Variants in ITIH5 observed in about 807,000 individuals in gnomAD.
The protein encoded by ITIH5 is inter-alpha-trypsin inhibitor heavy chain H5.
ITIH5 carries 65 observed loss-of-function variants against 77.5 expected under a neutral mutation model. The observed-to-expected ratio is 0.84, with a 90% confidence interval of 0.69 to 1.03. The LOEUF (loss-of-function observed/expected upper bound fraction) is 1.03, where lower values mean the gene tolerates loss of function less well. Among genes scored for constraint, ITIH5 ranks in the 50% least tolerant of loss-of-function variants. ITIH5 has a pLI of 0.00. For synonymous variants in ITIH5, 525 were observed against 494.3 expected, an observed-to-expected ratio of 1.06 and a Z score of -0.82; for missense variants, 1,208 against 1,213.1, an observed-to-expected ratio of 1.00 and a Z score of 0.06.
chr10:7,587,657 G>A (rs1588377720), intron 7 of ITIH5, among the ~76,000 whole-genome samples: 2 of 152,200 alleles, frequency 1.3e-5, no homozygotes, highest in East Asian at 3.8e-4. Context: ...GAATCGAGAT[G>A]AAAAGGGCTC....
chr10:7,605,591 T>C (rs547715084), intron 7 of ITIH5, among the ~76,000 whole-genome samples: 1 of 151,860 alleles, frequency 6.6e-6, no homozygotes, highest in South Asian at 2.1e-4. Context: ...ATCTGAAGTC[T>C]AGAGTTAAAG....
chr10:7,580,145 G>T, intron 8 of ITIH5, 81 bp from the exon 9 acceptor site: 5 of 1,225,024 alleles, frequency 4.1e-6, no homozygotes, highest in Non-Finnish European at 5.7e-6. Flanking sequence ...TTTTGAGACG[G>T]AGTCTTGCTC....
chr10:7,584,512 C>T (rs1472213944), intron 8 of ITIH5, among the ~76,000 whole-genome samples: 3 of 151,880 alleles, frequency 2.0e-5, no homozygotes. Context: ...GCCATGTTGG[C>T]CAGGCTGGTC....
Position 7,655,682 on chromosome 10 carries a change from A to T in ITIH5, c.91-7T>A. 1 of 1,608,082 alleles carries T rather than the reference A, an allele frequency of 6.2e-7. No homozygotes were observed. Among genetic ancestry groups the T allele is most frequent in the Non-Finnish European group, 8.5e-7 (1 of 1,174,770 alleles). On this transcript the variant is annotated splice_region_variant and splice_polypyrimidine_tract_variant and intron_variant, in intron 1 of 13. Transcript: ENST00000397146. ...TCGGGACCCTGAGTCCATCCTAGAA[A>T]AGAGAAGAGACTGTTAAAAAGGTGA... is the stretch of plus-strand genomic sequence containing the variant.
chr10:7,627,963 T>C (rs1564268285), intron 5 of ITIH5, among the ~76,000 whole-genome samples: 2 of 144,392 alleles, frequency 1.4e-5, no homozygotes, highest in Non-Finnish European at 3.0e-5. Flanking sequence ...TGCCTCAGCC[T>C]CCCAAGTAGC....
chr10:7,625,816 G>A (rs1833568480), intron 5 of ITIH5, among the ~76,000 whole-genome samples: 1 of 151,858 alleles, frequency 6.6e-6, no homozygotes, highest in East Asian at 1.9e-4. Context: ...AAATGGCTAA[G>A]ATGGTAAATT....
chr10:7,618,370 T>A (rs1833410628), intron 5 of ITIH5: 1 of 152,190 alleles, frequency 6.6e-6, no homozygotes, highest in Non-Finnish European at 1.5e-5. Context: ...GGATATTATG[T>A]AATTTATGAA....
intron 5 of ITIH5, among the ~76,000 whole-genome samples, chr10:7,633,006 A>T: frequency 6.6e-6 from 1 of 152,210 alleles, no homozygotes; most frequent in East Asian, 1.9e-4. Context: ...CCAGCCTTAA[A>T]ACAATCACAC....
At chr10:7,593,433 C>A (rs1402805389) in intron 7 of ITIH5, among the ~76,000 whole-genome samples, 9 of 55,548 alleles carry the variant, frequency 1.6e-4, no homozygotes, top group African/African-American at 4.7e-4. Context: ...GCCCCACTCA[C>A]CCCTGCAGAC....
chr10:7,585,775 C>T, intron 8 of ITIH5, 126 bp downstream of exon 8: 7 of 762,590 alleles, frequency 9.2e-6, no homozygotes, highest in Non-Finnish European at 1.2e-5. Context: ...CTCTCGCCTG[C>T]AGTCTCCCTT....
intron 10 of ITIH5, among the ~76,000 whole-genome samples, chr10:7,573,838 T>C (rs1198444455): frequency 6.6e-6 from 1 of 152,188 alleles, no homozygotes; most frequent in Non-Finnish European, 1.5e-5. Flanking sequence ...ACTTGAGATG[T>C]ATTTATAGGG....
At chr10:7,629,117 G>GTGTGTCCGTGTTGTAGCA (rs1365380130) in intron 5 of ITIH5, among the ~76,000 whole-genome samples, 1 of 101,560 alleles carries the variant, frequency 9.8e-6, no homozygotes, top group African/African-American at 4.7e-5. Context: ...ATGTTGTAGA[G>GTGTGTCCGTGTTGTAGCA]TGTGTCCGTG....
At chr10:7,652,661 C>T (rs1227535296) in intron 2 of ITIH5, among the ~76,000 whole-genome samples, 1 of 152,094 alleles carries the variant, frequency 6.6e-6, no homozygotes, top group African/African-American at 2.4e-5. Context: ...TTAGAGGCTA[C>T]GTGTACAAAG....
chr10:7,579,199 C>T (rs966371630), intron 9 of ITIH5, among the ~76,000 whole-genome samples: 11 of 152,214 alleles, frequency 7.2e-5, no homozygotes, highest in African/African-American at 2.7e-4. Flanking sequence ...CCTCATTTTA[C>T]AGATGAGAAA....
chr10:7,591,400 T>C (rs1475461741), intron 7 of ITIH5, among the ~76,000 whole-genome samples: 3 of 152,158 alleles, frequency 2.0e-5, no homozygotes, highest in Non-Finnish European at 4.4e-5. Flanking sequence ...TCCTGACACG[T>C]TGAGCTGTAG....
chr10:7,642,483 G>T (rs117921502), intron 2 of ITIH5, among the ~76,000 whole-genome samples: 2,657 of 152,164 alleles, frequency 0.017, 28 homozygotes, highest in Non-Finnish European at 0.025. Flanking sequence ...CAGGACTACC[G>T]AAATGTTCCA....
chr10:7,603,907 T>C (rs566189866), intron 7 of ITIH5, among the ~76,000 whole-genome samples: 1 of 152,180 alleles, frequency 6.6e-6, no homozygotes, highest in African/African-American at 2.4e-5. Context: ...TTGAAGTGTG[T>C]GGCATGACTG....
At chr10:7,623,269 C>A (rs11255249) in intron 5 of ITIH5, among the ~76,000 whole-genome samples, 2 of 152,054 alleles carry the variant, frequency 1.3e-5, no homozygotes, top group Non-Finnish European at 2.9e-5. Flanking sequence ...TCCCAACACA[C>A]GCTGCCTGCT....
At chr10:7,583,654 C>G (rs562776557) in intron 8 of ITIH5, among the ~76,000 whole-genome samples, 1 of 152,158 alleles carries the variant, frequency 6.6e-6, no homozygotes, top group East Asian at 1.9e-4. Flanking sequence ...TTCTTAAGGT[C>G]CAGTCTAATT....
Sources: allele counts gnomAD v4.1 joint callset (sites outside exome capture counted in the v4.1 genomes callset), GRCh38; gene constraint gnomAD v4.1.1; transcripts MANE v1.5; gene names NCBI Gene and HGNC (gene_info 2026-07-23, HGNC 2026-07-21).